Variants in CTCFL observed in about 807,000 individuals in gnomAD.
CTCFL encodes transcriptional repressor CTCFL.
In CTCFL, 36 loss-of-function variants were observed where a neutral mutation model predicts 67.4. The ratio of observed to expected loss-of-function variants is 0.53; its 90% confidence interval spans 0.41 to 0.71. CTCFL has a LOEUF of 0.71. Ranked by LOEUF, CTCFL falls within the 30% of genes least tolerant of loss-of-function variation. The pLI, the probability that CTCFL is intolerant of heterozygous loss-of-function variation, is 0.00. For missense variants in CTCFL, 786 were observed against 835.2 expected, an observed-to-expected ratio of 0.94 and a Z score of 0.73; for synonymous variants, 324 against 302.3, an observed-to-expected ratio of 1.07 and a Z score of -0.75.
Position 57,503,749 on chromosome 20 carries a change from A to G in CTCFL, c.1675-148T>C, listed in dbSNP as rs942525473. On this transcript the variant is annotated intron_variant, in intron 9 of 10. Transcript: ENST00000243914. The stretch of plus-strand genomic sequence containing the variant: ...TCCACACACCTCGCTAGCCCTAAGA[A>G]GTAAATAAGCAACTTGATAAGCAAG... The G allele has an allele frequency of 4.1e-5, 31 of 755,414 alleles. No homozygotes were observed. In the African/African-American group the frequency reaches 5.3e-4, roughly 13 times the overall value. 46.8% of individuals were successfully genotyped at this position (755,414 alleles called of 1,614,324 possible).
Position 57,512,587 on chromosome 20 carries a change from A to G in CTCFL, c.1491+5T>C, listed in dbSNP as rs756671492. The G allele has an allele frequency of 4.3e-6, 7 of 1,614,016 alleles. No homozygotes were observed. The highest frequency in any genetic ancestry group is 4.5e-5 in the East Asian group (2 of 44,878). ...TGCCTCTCCAAATTAAGTAAAGTAC[A>G]ATACCTGCTTGCAGGCATAACTGCA... On this transcript the variant is annotated splice_donor_5th_base_variant and intron_variant, in intron 8 of 10. Transcript: ENST00000243914.
intron 10 of CTCFL, among the ~76,000 whole-genome samples, chr20:57,501,915 T>C (rs1390368047): frequency 6.6e-6 from 1 of 152,240 alleles, no homozygotes; most frequent in Non-Finnish European, 1.5e-5. Context: ...CACCCTGTGA[T>C]GGAGCTCTCT....
chr20:57,505,631 G>A (rs2068166222), intron 9 of CTCFL, among the ~76,000 whole-genome samples: 1 of 152,198 alleles, frequency 6.6e-6, no homozygotes, highest in Non-Finnish European at 1.5e-5. Flanking sequence ...CAATACATCA[G>A]TCAATTTCAT....
In CTCFL at chr20:57,515,914, A is replaced by G. The variant is rs1345825952; in HGVS notation, c.1060-80T>C. On this transcript the variant is annotated intron_variant, in intron 5 of 10. Transcript: ENST00000243914. Reference sequence around the variant, plus strand: ...CTTCCATTAATCAGCATTGTAAAAGAGATTTAAATTAATCATATTTTAACA... The same window carrying G: ...CTTCCATTAATCAGCATTGTAAAAGGGATTTAAATTAATCATATTTTAACA... 5.5e-6 allele frequency: 8 copies of G among 1,449,404 alleles called. No individual in the cohort carries two copies. In the African/African-American group the frequency reaches 5.7e-5, roughly 10 times the overall value. 89.8% of individuals were successfully genotyped at this position (1,449,404 alleles called of 1,614,324 possible).
chr20:57,502,408 T>C (rs550141275), intron 10 of CTCFL, among the ~76,000 whole-genome samples: 3 of 152,312 alleles, frequency 2.0e-5, no homozygotes, highest in South Asian at 2.1e-4. Flanking sequence ...TAAACAATGA[T>C]TCACTGTGTA....
In CTCFL at chr20:57,518,911, A is replaced by C; in HGVS notation, c.926-20T>G. 1 of 1,596,656 alleles carries C rather than the reference A, an allele frequency of 6.3e-7. No homozygotes were observed. Among genetic ancestry groups the C allele is most frequent in the Non-Finnish European group, 8.5e-7 (1 of 1,169,794 alleles). On this transcript the variant is annotated intron_variant, in intron 4 of 10. Coordinates refer to ENST00000243914, the MANE Select transcript of CTCFL (RefSeq NM_001386993.1). ...TGGTTCCTGTAAAATCACATAGTTC[A>C]TACTTTCAAAACAAGACTTAACCAG...
At chr20:57,514,003 T>G in intron 7 of CTCFL, 1 of 747,004 alleles carries the variant, frequency 1.3e-6, no homozygotes. Flanking sequence ...ACCCTCTGGA[T>G]TCCCTCTCCC....
chr20:57,511,722 G>C (rs1381531594), intron 8 of CTCFL, among the ~76,000 whole-genome samples: 6 of 151,922 alleles, frequency 3.9e-5, no homozygotes, highest in Non-Finnish European at 8.8e-5. Flanking sequence ...CTCCTGAGTA[G>C]CTGGGACTAC....
At chr20:57,519,166 C>T (rs2069151584) in intron 4 of CTCFL, 41 bp downstream of exon 4, 1 of 1,596,550 alleles carries the variant, frequency 6.3e-7, no homozygotes, top group Admixed American at 1.7e-5. Flanking sequence ...TAAGCCTTAA[C>T]ACACATCATT....
chr20:57,502,252 G>C (rs73915849), intron 10 of CTCFL, among the ~76,000 whole-genome samples: 5,015 of 152,318 alleles, frequency 0.033, 268 homozygotes, highest in African/African-American at 0.11. Flanking sequence ...CCTGTGGACA[G>C]AGCGACTGGA....
chr20:57,498,537 A>G lies in CTCFL; in HGVS notation c.*13T>C. On this transcript the variant is annotated 3_prime_UTR_variant, in exon 11 of 11. Coordinates refer to ENST00000243914, the MANE Select transcript of CTCFL (RefSeq NM_001386993.1). ...AGGAATTGGGGGCAGTGAACACGCAACCCGAATCCCTCTCACTTATCCATC... is the reference window on the plus strand; with the variant it reads ...AGGAATTGGGGGCAGTGAACACGCAGCCCGAATCCCTCTCACTTATCCATC... 1 of 1,608,068 alleles carries G rather than the reference A, an allele frequency of 6.2e-7. No homozygotes were observed. The highest frequency in any genetic ancestry group is 1.3e-5 in the African/African-American group (1 of 74,888).
rs201573987 is a variant in CTCFL at position 57,503,442 on chromosome 20, C to T, written c.1834G>A (p.Gly612Arg). 3.6e-5 allele frequency: 58 copies of T among 1,614,146 alleles called. 1 individual carries two copies. The East Asian group carries it at 5.3e-4, about 15-fold the overall frequency. Reference sequence around the variant, plus strand: ...ATCTGCGTAAAATCAGTACCGTCTCCGTTCGCGGCTTCCTTCCATCCCTTC... The same window carrying T: ...ATCTGCGTAAAATCAGTACCGTCTCTGTTCGCGGCTTCCTTCCATCCCTTC... ...AAKGWKEAAN[G>R]DEAAAEEAST... Residue 612 changes from glycine to arginine, a missense_variant, in exon 10 of 11, where the codon GGA becomes AGA. Transcript: ENST00000243914.
chr20:57,512,768 A>T lies in CTCFL; in HGVS notation c.1331-16T>A. ...ATATGCACACCTAAAATGGTCACAGAACATTATATACTTCAAGAGTGTTGT... is the reference window on the plus strand; with the variant it reads ...ATATGCACACCTAAAATGGTCACAGTACATTATATACTTCAAGAGTGTTGT... On this transcript the variant is annotated splice_polypyrimidine_tract_variant and intron_variant, in intron 7 of 10. Coordinates refer to ENST00000243914, the MANE Select transcript of CTCFL (RefSeq NM_001386993.1). 1 of 1,612,778 alleles carries T rather than the reference A, an allele frequency of 6.2e-7. No homozygotes were observed. Among genetic ancestry groups the T allele is most frequent in the Non-Finnish European group, 8.5e-7 (1 of 1,178,830 alleles).
chr20:57,514,181 C>G (rs900367234), intron 7 of CTCFL, among the ~76,000 whole-genome samples: 1 of 152,216 alleles, frequency 6.6e-6, no homozygotes, highest in African/African-American at 2.4e-5. Flanking sequence ...CAAAAGCTTG[C>G]TGGGTGCCAT....
rs753353566 is a variant in CTCFL, at chr20:57,523,740, G to C, written c.466C>G (p.Leu156Val). 13 of 1,613,328 alleles carry C rather than the reference G, an allele frequency of 8.1e-6. 1 individual carries two copies. The Middle Eastern group carries it at 9.9e-4, about 123-fold the overall frequency. The change falls in exon 2 of 11, where the codon CTA (leucine) becomes GTA (valine). Residue 156 changes from leucine to valine, a missense_variant. Leu to Val is a conservative substitution (Grantham distance 32, BLOSUM62 1). Around this residue, in one of 3 missense-constraint regions of CTCFL, gnomAD observed 333 missense variants for 304.6 expected, o/e 1.09. Coordinates refer to ENST00000243914, the MANE Select transcript of CTCFL (RefSeq NM_001386993.1). ...QEMEVLQFHA[L>V]EENVMVASED... ...CTGGCCACCATCACATTCTCCTCTA[G>C]AGCGTGGAACTGCAACACCTCCATC...
chr20:57,514,030 C>G (rs1454016205), intron 7 of CTCFL, among the ~76,000 whole-genome samples: 1 of 152,210 alleles, frequency 6.6e-6, no homozygotes, highest in Non-Finnish European at 1.5e-5. Context: ...TGGGGTGTGA[C>G]AGTTAAAAGG....
intron 7 of CTCFL, 61 bp from the exon 8 acceptor site, chr20:57,512,813 CCT>C (rs1444756757): frequency 6.5e-7 from 1 of 1,534,542 alleles, no homozygotes. Context: ...GCCTGCTTCC[CCT>C]CTCCTCTAAA....
intron 7 of CTCFL, among the ~76,000 whole-genome samples, chr20:57,514,345 G>A (rs536476834): frequency 6.6e-6 from 1 of 152,284 alleles, no homozygotes; most frequent in Admixed American, 6.5e-5. Context: ...ACCCATCTGT[G>A]AAAGGTCTTA....
At chr20:57,518,462 A>C (rs2069091601) in intron 5 of CTCFL, 13 of 1,329,008 alleles carry the variant, frequency 9.8e-6, no homozygotes, top group Non-Finnish European at 1.3e-5. Flanking sequence ...AGAGTACTAG[A>C]TAAAATGCAG....
Sources: allele counts gnomAD v4.1 joint callset (sites outside exome capture counted in the v4.1 genomes callset), GRCh38; gene constraint gnomAD v4.1.1; regional missense constraint gnomAD v4.1.1; transcripts MANE v1.5; gene names NCBI Gene and HGNC (gene_info 2026-07-23, HGNC 2026-07-21).